The following DHRS12 variants were observed in gnomAD, a reference collection of about 807,000 sequenced individuals.
The protein encoded by DHRS12 is dehydrogenase/reductase SDR family member 12.
DHRS12 carries 29 observed loss-of-function variants against 32.1 expected under a neutral mutation model. The observed-to-expected ratio is 0.90, with a 90% CI of 0.67 to 1.23. The LOEUF (loss-of-function observed/expected upper bound fraction) is 1.23. DHRS12 is among the 50% of genes most tolerant of loss of function. DHRS12 has a pLI of 0.00. For missense variants in DHRS12, 330 were observed against 337.2 expected (o/e 0.98, Z 0.17); for synonymous variants, 150 against 135.9 (o/e 1.10, Z -0.72).
intron 4 of DHRS12, among the ~76,000 whole-genome samples, chr13:51,780,211 A>C (rs899578691): frequency 2.0e-5 from 3 of 152,054 alleles, no homozygotes; most frequent in Admixed American, 6.6e-5. Flanking sequence ...ATAAATAAGA[A>C]TGTCTCTGGA....
At chr13:51,763,804 C>T (rs895487584), downstream of DHRS12, 1 of 152,200 alleles carries the variant, frequency 6.6e-6, no homozygotes, top group Non-Finnish European at 1.5e-5. Flanking sequence ...AATAAATAAA[C>T]AAAAGTATAA....
chr13:51,796,762 C>A (rs1593565100), intron 2 of DHRS12, among the ~76,000 whole-genome samples: 1 of 152,122 alleles, frequency 6.6e-6, no homozygotes, highest in Non-Finnish European at 1.5e-5. Flanking sequence ...AGAACTGCAG[C>A]CCGCAGATCG....
rs573159044 is a variant in DHRS12 at position 51,790,071 on chromosome 13, C to T, written c.241G>A (p.Val81Ile). 2 of 1,596,610 alleles carry T rather than the reference C, an allele frequency of 1.3e-6. No homozygotes were observed. The highest frequency in any genetic ancestry group is 1.4e-5 in the African/African-American group (1 of 73,630). The change falls in exon 4 of 9, where the codon GTC (valine) becomes ATC (isoleucine). Residue 81 changes from valine to isoleucine, a missense_variant. Physicochemically the swap from Val to Ile is conservative, Grantham distance 29. Coordinates refer to ENST00000444610, the MANE Select transcript of DHRS12 (RefSeq NM_001377533.1). ...TCTTCTGTGAGCTCTCTTTTATTGA[C>T]CATGCAACCTGCATTATTGATCTAA... ...HVLINNAGCM[V>I]NKRELTEDGL...
chr13:51,759,153 C>T, the DHRS12 span, among the ~76,000 whole-genome samples: 6 of 152,132 alleles, frequency 3.9e-5, no homozygotes, highest in African/African-American at 1.4e-4. Context: ...TGTACTCCAG[C>T]CTGGGTGACA....
chr13:51,800,548 G>A (rs543505047), intron 1 of DHRS12, among the ~76,000 whole-genome samples: 9 of 152,186 alleles, frequency 5.9e-5, no homozygotes, highest in Admixed American at 2.0e-4. Context: ...CTACGGAGCC[G>A]AGAGATTTCT....
downstream of DHRS12, chr13:51,767,863 G>GTC: frequency 2.5e-6 from 1 of 404,260 alleles, no homozygotes; most frequent in Non-Finnish European, 3.6e-6. Flanking sequence ...TTCACAGGGG[G>GTC]GCATTCCTGC....
intron 7 of DHRS12, 49 bp downstream of exon 7, chr13:51,771,772 A>G: frequency 1.2e-6 from 2 of 1,601,620 alleles, no homozygotes; most frequent in Non-Finnish European, 1.7e-6. Flanking sequence ...CTGCTCAGGT[A>G]TTTTTAGATG....
chr13:51,756,235 G>A, the DHRS12 span: 10 of 1,499,742 alleles, frequency 6.7e-6, no homozygotes, highest in African/African-American at 8.4e-5. Context: ...TCACCTGGAT[G>A]CAGTTGATTA....
At chr13:51,779,863 G>A (rs1954621228) in intron 4 of DHRS12, among the ~76,000 whole-genome samples, 1 of 152,094 alleles carries the variant, frequency 6.6e-6, no homozygotes, top group Non-Finnish European at 1.5e-5. Context: ...GTTCTCCCGG[G>A]ATAACCAGCT....
At chr13:51,803,778 T>C (rs975005150) in intron 1 of DHRS12, 16 of 298,038 alleles carry the variant, frequency 5.4e-5, no homozygotes, top group Admixed American at 1.0e-4. Context: ...CGGGGCCGCC[T>C]GACGTCAGTG....
chr13:51,771,753 A>G, intron 7 of DHRS12, 68 bp downstream of exon 7: 1 of 1,569,956 alleles, frequency 6.4e-7, no homozygotes, highest in Non-Finnish European at 8.7e-7. Flanking sequence ...GGGAGAGTCA[A>G]TCCTGCGGCT....
chr13:51,755,360 C>T, the DHRS12 span: 32 of 1,614,000 alleles, frequency 2.0e-5, no homozygotes, highest in Non-Finnish European at 2.6e-5. Flanking sequence ...TTGACAAGAC[C>T]CCTGAATGGT....
chr13:51,795,577 G>C (rs867792359), intron 2 of DHRS12, among the ~76,000 whole-genome samples: 3 of 152,154 alleles, frequency 2.0e-5, no homozygotes, highest in African/African-American at 7.2e-5. Flanking sequence ...AGGTGATTAA[G>C]GAAGGTGAGA....
chr13:51,796,792 T>TA (rs1269017278), intron 2 of DHRS12, among the ~76,000 whole-genome samples: 2 of 151,994 alleles, frequency 1.3e-5, no homozygotes, highest in Non-Finnish European at 2.9e-5. Context: ...TTGCAGACAT[T>TA]AGAGGAAGAT....
downstream of DHRS12, chr13:51,763,794 A>C (rs1239456496): frequency 6.6e-6 from 1 of 152,162 alleles, no homozygotes; most frequent in Non-Finnish European, 1.5e-5. Flanking sequence ...CAAGGCCCTG[A>C]ATAAATAAAC....
intron 2 of DHRS12, among the ~76,000 whole-genome samples, chr13:51,796,221 G>T (rs1484252311): frequency 1.3e-5 from 2 of 152,132 alleles, no homozygotes; most frequent in Non-Finnish European, 2.9e-5. Context: ...CCTACCAAAG[G>T]TAGACCAGAT....
intron 7 of DHRS12, chr13:51,771,378 G>T (rs140377210): frequency 1.9e-6 from 3 of 1,613,916 alleles, no homozygotes; most frequent in Non-Finnish European, 1.7e-6. Context: ...CAGATCATTC[G>T]AGCTGTGTCC....
At chr13:51,776,405 G>C (rs10467512) in intron 5 of DHRS12, 22,491 of 152,394 alleles carry the variant, frequency 0.15, 2,298 homozygotes, top group African/African-American at 0.29. Context: ...CCTCTGACTC[G>C]CACCCTCCTC....
intron 2 of DHRS12, 64 bp downstream of exon 2, chr13:51,799,470 C>A: frequency 6.3e-7 from 1 of 1,596,544 alleles, no homozygotes; most frequent in Middle Eastern, 2.3e-4. Flanking sequence ...GTGCCCTCCT[C>A]AGTGTGGACC....
Sources: gnomAD v4.1 joint callset for allele counts (sites outside exome capture counted in the v4.1 genomes callset) on GRCh38, gnomAD v4.1.1 for gene constraint, MANE v1.5 for transcripts, NCBI Gene and HGNC (gene_info 2026-07-23, HGNC 2026-07-21) for gene names.